The following KHDRBS3 variants were observed in gnomAD, a reference collection of about 807,000 sequenced individuals.
KHDRBS3 encodes KH domain-containing, RNA-binding, signal transduction-associated protein 3.
In KHDRBS3, 23 loss-of-function variants were observed where a neutral mutation model predicts 45.6. The observed-to-expected ratio is 0.50, with a 90% CI of 0.36 to 0.72. KHDRBS3 has a LOEUF of 0.72. Ranked by LOEUF, KHDRBS3 falls within the 30% of genes least tolerant of loss-of-function variation. The probability of loss-of-function intolerance (pLI) is 0.00; values close to 1 mark genes in which losing one functional copy is unlikely to be tolerated. For missense variants in KHDRBS3, 352 were observed against 424.8 expected, an observed-to-expected ratio of 0.83 and a Z score of 1.51; for synonymous variants, 162 against 156.5, an observed-to-expected ratio of 1.04 and a Z score of -0.26.
At chr8:135,618,322 T>G (rs562542290) in intron 7 of KHDRBS3, among the ~76,000 whole-genome samples, 2 of 152,308 alleles carry the variant, frequency 1.3e-5, no homozygotes, top group South Asian at 4.1e-4. Flanking sequence ...TAAATTCAGT[T>G]TCTCAACCTG....
intron 4 of KHDRBS3, among the ~76,000 whole-genome samples, chr8:135,653,318 G>A (rs1428308326): frequency 6.6e-6 from 1 of 152,114 alleles, no homozygotes; most frequent in Non-Finnish European, 1.5e-5. Context: ...TAGACATAGT[G>A]GGAACTGACA....
chr8:135,570,123 A>C (rs73712068), intron 5 of KHDRBS3, among the ~76,000 whole-genome samples: 2,175 of 152,276 alleles, frequency 0.014, 41 homozygotes, highest in African/African-American at 0.049. Context: ...TATTTTGGCA[A>C]AACTTTCTTT....
intron 5 of KHDRBS3, among the ~76,000 whole-genome samples, chr8:135,570,115 T>C (rs1827631918): frequency 6.6e-6 from 1 of 152,226 alleles, no homozygotes; most frequent in Non-Finnish European, 1.5e-5. Flanking sequence ...AATGCACTTA[T>C]TTTGGCAAAA....
intron 5 of KHDRBS3, among the ~76,000 whole-genome samples, chr8:135,570,851 G>A (rs910609885): frequency 2.0e-5 from 3 of 152,144 alleles, no homozygotes; most frequent in Non-Finnish European, 4.4e-5. Context: ...ACTGAAATCA[G>A]CCTTCAGTAT....
chr8:135,513,096 A>T (rs887615235), intron 1 of KHDRBS3, among the ~76,000 whole-genome samples: 10 of 152,092 alleles, frequency 6.6e-5, no homozygotes, highest in Non-Finnish European at 1.3e-4. Context: ...GCTACTCAGG[A>T]GGCTGAGGCA....
intron 1 of KHDRBS3, chr8:135,459,016 A>G (rs1773678357): frequency 2.2e-6 from 1 of 454,898 alleles, no homozygotes; most frequent in African/African-American, 2.0e-5. Context: ...TCTCTGGGAA[A>G]TGGCAGCAAC....
At chr8:135,481,824 T>A (rs1035838794) in intron 1 of KHDRBS3, among the ~76,000 whole-genome samples, 2 of 152,208 alleles carry the variant, frequency 1.3e-5, no homozygotes, top group Non-Finnish European at 2.9e-5. Flanking sequence ...GTTAAGATAA[T>A]TGGTGCTGTC....
intron 4 of KHDRBS3, among the ~76,000 whole-genome samples, chr8:135,551,668 G>A (rs1349798184): frequency 6.6e-6 from 1 of 152,048 alleles, no homozygotes; most frequent in Admixed American, 6.6e-5. Flanking sequence ...AGTTTGTTAA[G>A]GATTTTTACA....
chr8:135,537,227 G>A lies in KHDRBS3; in HGVS notation c.208-5427G>A, dbSNP rs554278821. On this transcript the variant is annotated intron_variant, in intron 2 of 8. Coordinates refer to ENST00000355849, the MANE Select transcript of KHDRBS3 (RefSeq NM_006558.3). ...AGAGCATGTTTGAAGCTATGGTGGC[G>A]GAGTTTCCAAGTTCAGTGTTGAGTG... Among the ~76,000 whole-genome samples, 5 of 152,192 alleles carry A rather than the reference G, an allele frequency of 3.3e-5. No homozygotes were observed. The South Asian group carries it at 6.2e-4, about 19-fold the overall frequency.
chr8:135,582,228 A>G (rs981923374), intron 6 of KHDRBS3, among the ~76,000 whole-genome samples, 155 bp downstream of exon 6: 1 of 152,244 alleles, frequency 6.6e-6, no homozygotes, highest in Non-Finnish European at 1.5e-5. Flanking sequence ...CTAAAGAAGT[A>G]CTTAATACTA....
chr8:135,618,661 T>C (rs568856116), intron 7 of KHDRBS3, among the ~76,000 whole-genome samples: 1 of 152,298 alleles, frequency 6.6e-6, no homozygotes, highest in South Asian at 2.1e-4. Flanking sequence ...ATGGTTAATC[T>C]CCCAGAAATT....
chr8:135,623,940 A>G (rs1830254774), intron 7 of KHDRBS3, among the ~76,000 whole-genome samples: 1 of 152,240 alleles, frequency 6.6e-6, no homozygotes, highest in African/African-American at 2.4e-5. Context: ...AGTGAGACAC[A>G]TTTTGCAGAG....
intron 1 of KHDRBS3, among the ~76,000 whole-genome samples, chr8:135,519,666 C>A (rs975076539): frequency 3.9e-5 from 6 of 152,336 alleles, no homozygotes; most frequent in East Asian, 3.9e-4. Context: ...AACTGATATA[C>A]TGTTTTCTAA....
chr8:135,656,315 A>G (rs1831530944), exon 5 of KHDRBS3: 1 of 152,188 alleles, frequency 6.6e-6, no homozygotes, highest in Non-Finnish European at 1.5e-5. Flanking sequence ...AACTTGAAAA[A>G]CATCTTAATT....
intron 6 of KHDRBS3, among the ~76,000 whole-genome samples, chr8:135,604,586 T>G (rs933269990): frequency 6.6e-6 from 1 of 151,956 alleles, no homozygotes; most frequent in African/African-American, 2.4e-5. Context: ...AAATTACTTA[T>G]ATTGCTTTCT....
In KHDRBS3 at chr8:135,457,730, G is replaced by T. The variant is rs1238012956; in HGVS notation, c.-137G>T. Reference sequence around the variant, plus strand: ...GTGCCGCCGCCGCCGCCTTCCGGCCGACCGCCCGGCTTGGCCGCTGCTGCC... The same window carrying T: ...GTGCCGCCGCCGCCGCCTTCCGGCCTACCGCCCGGCTTGGCCGCTGCTGCC... On this transcript the variant is annotated 5_prime_UTR_variant, in exon 1 of 9. Coordinates refer to ENST00000355849, the MANE Select transcript of KHDRBS3 (RefSeq NM_006558.3). This position sits in a 1 kb window ranked among gnomAD's most constrained non-coding sequence, Gnocchi z 4.4. The T allele has an allele frequency of 2.0e-5, 4 of 200,428 alleles. No homozygotes were observed. The highest frequency in any genetic ancestry group is 3.1e-4 in the South Asian group (2 of 6,398). The allele number at this position is 200,428 out of a possible 1,614,324, so 12.4% of individuals were successfully genotyped here. A position where few individuals can be genotyped will look rare whatever the true frequency, so the allele number is the denominator to read the frequency against.
intron 6 of KHDRBS3, among the ~76,000 whole-genome samples, chr8:135,604,513 TA>T (rs1176421037): frequency 6.6e-6 from 1 of 151,910 alleles, no homozygotes; most frequent in African/African-American, 2.4e-5. Context: ...TCTTTTGTGT[TA>T]AATGTTTTTT....
intron 1 of KHDRBS3, among the ~76,000 whole-genome samples, chr8:135,490,686 C>T (rs565402211): frequency 1.3e-5 from 2 of 152,276 alleles, no homozygotes; most frequent in East Asian, 3.9e-4. Context: ...GTGTTTGTTT[C>T]TGAAGCCCCC....
intron 1 of KHDRBS3, among the ~76,000 whole-genome samples, chr8:135,507,592 A>T (rs1383231537): frequency 2.0e-5 from 3 of 152,176 alleles, no homozygotes; most frequent in Admixed American, 6.6e-5. Context: ...TTGCTTCAGC[A>T]TGTGAATGTC....
Sources: gnomAD v4.1 joint callset for allele counts (sites outside exome capture counted in the v4.1 genomes callset) on GRCh38, gnomAD v4.1.1 for gene constraint, Gnocchi (gnomAD v3.1) non-coding constraint, MANE v1.5 for transcripts, NCBI Gene and HGNC (gene_info 2026-07-23, HGNC 2026-07-21) for gene names.